DCBLD2: variants seen among roughly 807,000 people sequenced by gnomAD.
DCBLD2 encodes discoidin, CUB and LCCL domain containing 2, also known as discoidin, CUB and LCCL domain-containing protein 2.
In DCBLD2, 54 loss-of-function variants were observed where a neutral mutation model predicts 86.8. The ratio of observed to expected loss-of-function variants is 0.62; its 90% CI spans 0.50 to 0.78. DCBLD2 has a LOEUF of 0.78. DCBLD2 is among the 30% of genes least tolerant of loss of function. The probability of loss-of-function intolerance (pLI) is 0.00; values close to 1 mark genes in which losing one functional copy is unlikely to be tolerated. For synonymous variants in DCBLD2, 354 were observed against 341.3 expected, an observed-to-expected ratio of 1.04 and a Z score of -0.41; for missense variants, 908 against 954.2, an observed-to-expected ratio of 0.95 and a Z score of 0.64.
chr3:98,804,576 A>C (rs1269289388), intron 13 of DCBLD2, among the ~76,000 whole-genome samples: 4 of 151,830 alleles, frequency 2.6e-5, no homozygotes, highest in African/African-American at 7.3e-5. Context: ...TTATTTCTTG[A>C]CTTCTGCAGC....
intron 2 of DCBLD2, among the ~76,000 whole-genome samples, chr3:98,862,988 A>G (rs1943073839): frequency 6.6e-6 from 1 of 152,334 alleles, no homozygotes; most frequent in African/African-American, 2.4e-5. Context: ...TCTACGCCCA[A>G]AATCTTCTTA....
At chr3:98,817,063 A>G (rs1942035051) in intron 9 of DCBLD2, among the ~76,000 whole-genome samples, 1 of 152,210 alleles carries the variant, frequency 6.6e-6, no homozygotes, top group Admixed American at 6.5e-5. Context: ...CATCATGCCC[A>G]GCCCCATAGT....
In DCBLD2 at chr3:98,796,392, G is replaced by C. The variant is rs910653015; in HGVS notation, c.*2980C>G. ...GGGACTTCAAGTTCAGAACCAAAAA[G>C]CAGAGAATCGTTTCATGTGACATGA... is the stretch of plus-strand genomic sequence containing the variant. On this transcript the variant is annotated 3_prime_UTR_variant, in exon 16 of 16. Transcript: ENST00000326840. 1 of 152,620 alleles carries C rather than the reference G, an allele frequency of 6.6e-6. No homozygotes were observed. Among genetic ancestry groups the C allele is most frequent in the African/African-American group, 2.4e-5 (1 of 41,448 alleles). 9.5% of individuals were successfully genotyped at this position (152,620 alleles called of 1,614,324 possible).
At chr3:98,886,801 C>CCA (rs1553734161) in intron 1 of DCBLD2, among the ~76,000 whole-genome samples, 18 of 100,442 alleles carry the variant, frequency 1.8e-4, no homozygotes, top group Admixed American at 1.6e-3. Flanking sequence ...TACAGGAAAA[C>CCA]CCCCCCCCTT....
At chr3:98,848,628 T>A (rs114249628) in intron 3 of DCBLD2, among the ~76,000 whole-genome samples, 251 of 152,252 alleles carry the variant, frequency 1.6e-3, no homozygotes, top group Admixed American at 6.5e-3. Context: ...CTCACCAGCA[T>A]CTGAATAACC....
chr3:98,849,029 C>A lies in DCBLD2; in HGVS notation c.571+432G>T, dbSNP rs373734248. ...TACTAAAAATACAAAATTAGCTGGG[C>A]ATGGTGGCGCATGCCTGTAATCCCA... is the stretch of plus-strand genomic sequence containing the variant. On this transcript the variant is annotated intron_variant, in intron 3 of 15. Transcript: ENST00000326840. Among the ~76,000 whole-genome samples, 44 of 152,062 alleles carry A rather than the reference C, an allele frequency of 2.9e-4. 1 individual carries two copies. In the East Asian group the frequency reaches 7.2e-3, roughly 25 times the overall value.
At chr3:98,836,919 G>GT (rs1942472688) in intron 3 of DCBLD2, among the ~76,000 whole-genome samples, 4 of 78,444 alleles carry the variant, frequency 5.1e-5, no homozygotes, top group Non-Finnish European at 1.1e-4. Context: ...CCGGGCGGGG[G>GT]GCTGACCCCC....
chr3:98,817,253 T>C (rs1226372074), intron 9 of DCBLD2, among the ~76,000 whole-genome samples: 1 of 152,194 alleles, frequency 6.6e-6, no homozygotes, highest in East Asian at 1.9e-4. Context: ...ATTCCATAAT[T>C]AGATGCTAGA....
chr3:98,870,815 T>C (rs187969133), intron 2 of DCBLD2, among the ~76,000 whole-genome samples: 281 of 67,102 alleles, frequency 4.2e-3, no homozygotes, highest in Admixed American at 0.012. Context: ...GAAAGAAAGG[T>C]AGGCAGGCAT....
chr3:98,875,430 A>G (rs1483197572), intron 2 of DCBLD2, among the ~76,000 whole-genome samples: 1 of 151,066 alleles, frequency 6.6e-6, no homozygotes, highest in East Asian at 1.9e-4. Flanking sequence ...AAGAAAGGAG[A>G]AAAAAAAAGA....
At chr3:98,839,144 C>CTT (rs1553727005) in intron 3 of DCBLD2, among the ~76,000 whole-genome samples, 1 of 111,044 alleles carries the variant, frequency 9.0e-6, no homozygotes, top group East Asian at 2.2e-4. Flanking sequence ...TCCTTCCTTC[C>CTT]TTCTTTCTTT....
intron 10 of DCBLD2, among the ~76,000 whole-genome samples, chr3:98,811,790 A>G (rs1396214137): frequency 6.6e-6 from 1 of 152,304 alleles, no homozygotes; most frequent in Non-Finnish European, 1.5e-5. Flanking sequence ...CTTAGGAAGA[A>G]GAATAATGGG....
At position 98,901,291 on chromosome 3, in the gene DCBLD2, G is replaced by T; in HGVS notation, c.36C>A (p.Cys12Ter). The T allele has an allele frequency of 1.3e-6, 2 of 1,518,372 alleles. No individual in the cohort carries two copies. Among genetic ancestry groups the T allele is most frequent in the Non-Finnish European group, 1.8e-6 (2 of 1,139,240 alleles). The allele number at this position is 1,518,372 out of a possible 1,614,324, so 94.1% of individuals were successfully genotyped here. Reference sequence around the variant, plus strand: ...CGGCCCGGACTTGGGGACACTGCGGGCAGCGCCTGGCTCTCACCACCGCCC... The same window carrying T: ...CGGCCCGGACTTGGGGACACTGCGGTCAGCGCCTGGCTCTCACCACCGCCC... ...ASRAVVRARR[C>*]PQCPQVRAAA... The change falls in exon 1 of 16, where the codon TGC (cysteine) becomes TGA (stop). Residue 12 changes from cysteine (C) to a stop codon, truncating the protein, a stop_gained. Transcript: ENST00000326840. LOFTEE classifies it high-confidence loss of function.
At chr3:98,805,020 CA>C (rs1226974043) in intron 13 of DCBLD2, 1 of 152,274 alleles carries the variant, frequency 6.6e-6, no homozygotes, top group Non-Finnish European at 1.5e-5. Flanking sequence ...CATCCTTGCA[CA>C]GGGGCCATGC....
At chr3:98,807,669 A>C (rs143624191) in intron 13 of DCBLD2, among the ~76,000 whole-genome samples, 1 of 152,304 alleles carries the variant, frequency 6.6e-6, no homozygotes, top group Non-Finnish European at 1.5e-5. Flanking sequence ...AAGCAAGCCA[A>C]ACTTGAGGAG....
At chr3:98,858,078 C>G (rs1295545443) in intron 2 of DCBLD2, among the ~76,000 whole-genome samples, 1 of 152,230 alleles carries the variant, frequency 6.6e-6, no homozygotes, top group African/African-American at 2.4e-5. Flanking sequence ...GGGGGGCAGG[C>G]TCAGGCATGG....
At chr3:98,880,742 C>T (rs960337455) in intron 2 of DCBLD2, among the ~76,000 whole-genome samples, 2 of 152,050 alleles carry the variant, frequency 1.3e-5, no homozygotes, top group African/African-American at 4.8e-5. Flanking sequence ...CTAGTTCATT[C>T]CCTGTATTTT....
intron 2 of DCBLD2, among the ~76,000 whole-genome samples, chr3:98,863,978 G>GCC (rs1943093998): frequency 6.6e-6 from 1 of 152,098 alleles, no homozygotes; most frequent in African/African-American, 2.4e-5. Context: ...GGCTAATATT[G>GCC]AGAATCTACA....
intron 2 of DCBLD2, among the ~76,000 whole-genome samples, chr3:98,871,356 TGTTCCA>T (rs1298673664): frequency 6.6e-6 from 1 of 152,186 alleles, no homozygotes; most frequent in Non-Finnish European, 1.5e-5. Flanking sequence ...ATTCTTGTCT[TGTTCCA>T]GTTCTTAGGA....
Sources: allele counts gnomAD v4.1 joint callset (sites outside exome capture counted in the v4.1 genomes callset), GRCh38; gene constraint gnomAD v4.1.1; transcripts MANE v1.5; gene names NCBI Gene and HGNC (gene_info 2026-07-23, HGNC 2026-07-21).